ZNF41: variants seen among roughly 807,000 people sequenced by gnomAD.
ZNF41 encodes zinc finger protein 41.
ZNF41 carries 6 observed loss-of-function variants against 9.3 expected under a neutral mutation model. The ratio of observed to expected loss-of-function variants is 0.65; its 90% CI spans 0.35 to 1.28. The LOEUF (loss-of-function observed/expected upper bound fraction) is 1.28. ZNF41 is among the 50% of genes most tolerant of loss of function. ZNF41 has a pLI of 0.03. For synonymous variants in ZNF41, 192 were observed against 207.1 expected (o/e 0.93, Z 0.63); for missense variants, 523 against 585.8 (o/e 0.89, Z 1.11).
In ZNF41 at chrX:47,448,507, T is replaced by C. The variant is rs1290138190; in HGVS notation, c.1263A>G (p.Thr421=). 8.3e-7 allele frequency: 1 copy of C among 1,211,607 alleles called. No homozygotes were observed. Among genetic ancestry groups the C allele is most frequent in the South Asian group, 1.8e-5 (1 of 56,964 alleles). Residue 421 remains threonine, a synonymous_variant, in exon 5 of 5, where the codon ACA becomes ACG. Transcript: ENST00000684689. ...YECNECGKAF[T]RKSALRMHQR... is the part of the protein sequence containing the mutation. Reference sequence around the variant, plus strand: ...GATGCATCCTGAGTGCTGATTTTCTTGTGAAAGCCTTCCCACATTCATTGC... The same window carrying C: ...GATGCATCCTGAGTGCTGATTTTCTCGTGAAAGCCTTCCCACATTCATTGC...
chrX:47,481,428 T>A (rs2057469773), intron 1 of ZNF41, among the ~76,000 whole-genome samples: 1 of 108,594 alleles, frequency 9.2e-6, no homozygotes, highest in African/African-American at 3.4e-5. Flanking sequence ...CAGAGAGAGA[T>A]TCTTGTATCT....
intron 1 of ZNF41, among the ~76,000 whole-genome samples, chrX:47,471,986 G>C (rs1207693714): frequency 9.0e-6 from 1 of 111,627 alleles, no homozygotes; most frequent in Non-Finnish European, 1.9e-5. Context: ...TGAAAAAGAT[G>C]GGAAATAAAC....
At chrX:47,481,320 C>T (rs1378958869) in intron 1 of ZNF41, among the ~76,000 whole-genome samples, 2 of 111,320 alleles carry the variant, frequency 1.8e-5, no homozygotes, top group Non-Finnish European at 3.8e-5. Flanking sequence ...GCCTGTAGTC[C>T]TAGCAACTTG....
At chrX:47,476,911 C>T (rs2057346839) in intron 1 of ZNF41, 1 of 103,524 alleles carries the variant, frequency 9.7e-6, no homozygotes, top group Admixed American at 1.0e-4. Context: ...CAAAAATTAG[C>T]TGGGCATGGT....
At chrX:47,463,869 C>A (rs2056899159) in intron 2 of ZNF41, among the ~76,000 whole-genome samples, 1 of 111,429 alleles carries the variant, frequency 9.0e-6, no homozygotes, top group African/African-American at 3.3e-5. Context: ...TCTCCTGCTT[C>A]CTCTGACTGC....
chrX:47,449,444 C>T lies in ZNF41; in HGVS notation c.326G>A (p.Gly109Glu), dbSNP rs2056277524. The T allele has an allele frequency of 1.7e-6, 2 of 1,206,689 alleles. No homozygotes were observed. Among genetic ancestry groups the T allele is most frequent in the Admixed American group, 2.2e-5 (1 of 45,348 alleles). Residue 109 changes from glycine (G) to glutamate (E), a missense_variant, in exon 5 of 5, where the codon GGA becomes GAA. Transcript: ENST00000684689. ...GTGGAAGAAAATTCCTCCAGGAATT[C>T]CCTGTTGCTGCATTTTCCCAATAGC... The part of the protein sequence containing the change: ...GEAIGKMQQQ[G>E]IPGGIFFHCE...
At chrX:47,454,077 A>C (rs2056460305) in intron 4 of ZNF41, among the ~76,000 whole-genome samples, 1 of 111,384 alleles carries the variant, frequency 9.0e-6, no homozygotes, top group African/African-American at 3.3e-5. Context: ...GTCTCAAAAA[A>C]CAAAAAAAGA....
At chrX:47,481,325 A>G (rs1045121167) in intron 1 of ZNF41, among the ~76,000 whole-genome samples, 56 of 111,516 alleles carry the variant, frequency 5.0e-4, no homozygotes, top group African/African-American at 1.6e-3. Flanking sequence ...TAGTCCTAGC[A>G]ACTTGGGAGG....
rs766187320 is a variant in ZNF41, at chrX:47,447,932, C to T, written c.1838G>A (p.Gly613Glu). The T allele has an allele frequency of 2.1e-5, 25 of 1,209,657 alleles. No individual in the cohort carries two copies. Among genetic ancestry groups the T allele is most frequent in the Non-Finnish European group, 1.0e-5 (9 of 895,197 alleles). The change falls in exon 5 of 5, where the codon GGG becomes GAG. Residue 613 changes from glycine (G) to glutamate (E), a missense_variant. Physicochemically the swap from Gly to Glu is moderately conservative, Grantham distance 98 (BLOSUM62 -2). Coordinates refer to ENST00000684689, the MANE Select transcript of ZNF41 (RefSeq NM_001324144.2). ...GTGCGATTTCTGGATAAAGGCCTTC[C>T]CGCATTCAGGACAAACGTACGGTTT... ...GEKPYVCPECGKAFIQKSHFI... is the reference protein window; with the variant it reads ...GEKPYVCPECEKAFIQKSHFI...
rs1351082362 is a variant in ZNF41, at chrX:47,445,353, G to T, written c.*2077C>A. 8.9e-6 allele frequency among the ~76,000 whole-genome samples: 1 copy of T among 111,886 alleles called. No individual in the cohort carries two copies. The highest frequency in any genetic ancestry group is 1.9e-5 in the Non-Finnish European group (1 of 53,231). On this transcript the variant is annotated 3_prime_UTR_variant, in exon 5 of 5. Transcript: ENST00000684689. ...CATTGATAGAATGTAAAATGGTGCA[G>T]TCATGTGAGGAACAGGCCTAGGTCT... is the stretch of plus-strand genomic sequence containing the variant.
At chrX:47,458,065 A>G (rs2056637877) in intron 2 of ZNF41, among the ~76,000 whole-genome samples, 1 of 111,401 alleles carries the variant, frequency 9.0e-6, no homozygotes, top group African/African-American at 3.3e-5. Flanking sequence ...AAAGGTGGTA[A>G]AACATGCAGG....
chrX:47,478,335 G>T (rs2057389083), intron 1 of ZNF41, among the ~76,000 whole-genome samples: 3 of 111,297 alleles, frequency 2.7e-5, no homozygotes, highest in Non-Finnish European at 5.7e-5. Context: ...TTGAAATCCT[G>T]TCTCTACTAA....
chrX:47,458,324 C>T (rs2056648511), intron 2 of ZNF41, among the ~76,000 whole-genome samples: 1 of 111,884 alleles, frequency 8.9e-6, no homozygotes, highest in Non-Finnish European at 1.9e-5. Context: ...TAAGAAGATA[C>T]ACTCAATATC....
chrX:47,455,542 G>A (rs1167536677), intron 4 of ZNF41, among the ~76,000 whole-genome samples: 1 of 111,254 alleles, frequency 9.0e-6, no homozygotes, highest in Admixed American at 9.7e-5. Flanking sequence ...CCAAGATCAT[G>A]TCACTGCACT....
At chrX:47,456,501 G>T in intron 2 of ZNF41, 103 bp from the exon 3 acceptor site, 1 of 1,120,049 alleles carries the variant, frequency 8.9e-7, no homozygotes, top group Non-Finnish European at 1.2e-6. Flanking sequence ...AATGTATCAT[G>T]TAGGGTTTTC....
chrX:47,467,031 G>A (rs1412281046), intron 2 of ZNF41, among the ~76,000 whole-genome samples: 2 of 112,117 alleles, frequency 1.8e-5, no homozygotes, highest in Admixed American at 1.9e-4. Flanking sequence ...GGAGAGGGAA[G>A]GGTTGGTGCT....
At chrX:47,462,790 C>T (rs956511317) in intron 2 of ZNF41, among the ~76,000 whole-genome samples, 10 of 109,396 alleles carry the variant, frequency 9.1e-5, no homozygotes, top group African/African-American at 3.3e-4. Flanking sequence ...CAGGGCGTCA[C>T]TCTGCCACCC....
intron 1 of ZNF41, among the ~76,000 whole-genome samples, chrX:47,471,166 T>C (rs150882492): frequency 0.022 from 2,433 of 110,992 alleles, 64 homozygotes; most frequent in African/African-American, 0.075. Flanking sequence ...AGCCTACGCA[T>C]GGCCGGGCAC....
chrX:47,463,592 A>G (rs2056889742), intron 2 of ZNF41, among the ~76,000 whole-genome samples: 1 of 111,067 alleles, frequency 9.0e-6, no homozygotes, highest in Non-Finnish European at 1.9e-5. Context: ...TGCTACCCAC[A>G]CTGGATACAT....
Sources: allele counts gnomAD v4.1 joint callset (sites outside exome capture counted in the v4.1 genomes callset), GRCh38; gene constraint gnomAD v4.1.1; transcripts MANE v1.5; gene names NCBI Gene and HGNC (gene_info 2026-07-23, HGNC 2026-07-21).